Variants in PACS2 observed in about 807,000 individuals in gnomAD.
PACS2 encodes the protein phosphofurin acidic cluster sorting protein 2.
In PACS2, 36 loss-of-function variants were observed where a neutral mutation model predicts 113.0. That is an observed-to-expected ratio of 0.32 (90% CI 0.24 to 0.42). The LOEUF is 0.42. PACS2 is among the 10% of genes least tolerant of loss of function. The pLI, the probability that PACS2 is intolerant of heterozygous loss-of-function variation, is 1.00. For missense variants in PACS2, 1,015 were observed against 1,239.5 expected (o/e 0.82, Z 2.72); for synonymous variants, 589 against 536.1 (o/e 1.10, Z -1.36).
At position 105,384,896 on chromosome 14, in the gene PACS2, A is replaced by C. The variant is rs1555413175; in HGVS notation, c.1909A>C (p.Ile637Leu). ...AQSAVQDTPD[I>L]VSRITQYIAG... ...CCCTGCAGTACAGGACACGCCAGAC[A>C]TTGTGTCACGCATCACGCAGTACAT... Residue 637 changes from isoleucine to leucine, a missense_variant, in exon 18 of 25, where the codon ATT (isoleucine) becomes CTT (leucine). By Grantham distance (5) the Ile-to-Leu change is conservative (BLOSUM62 2). Coordinates refer to ENST00000447393, the MANE Select transcript of PACS2 (RefSeq NM_001100913.3). 6.3e-7 allele frequency: 1 copy of C among 1,591,074 alleles called. No homozygotes were observed. Among genetic ancestry groups the C allele is most frequent in the Non-Finnish European group, 8.6e-7 (1 of 1,168,202 alleles).
chr14:105,368,186 A>T (rs781865111), intron 6 of PACS2, 39 bp downstream of exon 6: 2 of 1,429,528 alleles, frequency 1.4e-6, no homozygotes, highest in East Asian at 4.5e-5. Flanking sequence ...CTCCTGGCTC[A>T]CACCGGGTGT....
chr14:105,352,836 C>CA, intron 3 of PACS2, among the ~76,000 whole-genome samples: 1 of 112,992 alleles, frequency 8.9e-6, no homozygotes, highest in Non-Finnish European at 1.8e-5. Flanking sequence ...CCTGGGGAGA[C>CA]GGGCCCCCCC....
intron 1 of PACS2, among the ~76,000 whole-genome samples, chr14:105,316,520 AG>A (rs1271686717): frequency 2.0e-5 from 3 of 152,194 alleles, no homozygotes; most frequent in African/African-American, 7.2e-5. Context: ...TGCAGCACAT[AG>A]CCTGCCCTTG....
intron 1 of PACS2, among the ~76,000 whole-genome samples, chr14:105,332,281 C>T (rs1341200660): frequency 1.3e-5 from 2 of 152,214 alleles, no homozygotes; most frequent in South Asian, 2.1e-4. Context: ...CCCTCACTGG[C>T]GCTGGGAAGC....
chr14:105,385,074 C>T (rs2081129272), intron 18 of PACS2, 87 bp downstream of exon 18: 2 of 868,838 alleles, frequency 2.3e-6, no homozygotes, highest in African/African-American at 1.7e-5. Context: ...CTGGGCTTGG[C>T]CTGGTGGGCC....
Position 105,379,748 on chromosome 14 carries a change from T to G in PACS2, c.969T>G (p.Phe323Leu). ...STPKPKLRPY[F>L]EGLSHSSSQT... ...CTGTTCCCTGAGCCAGGCCATACTT[T>G]GAAGGCCTGTCGCACTCGAGCTCGC... The change falls in exon 10 of 25, where the codon TTT becomes TTG. Residue 323 changes from phenylalanine (F) to leucine (L), a missense_variant. Phe to Leu is a conservative substitution (Grantham distance 22). Transcript: ENST00000447393. 1 of 1,613,586 alleles carries G rather than the reference T, an allele frequency of 6.2e-7. No individual in the cohort carries two copies. The highest frequency in any genetic ancestry group is 8.5e-7 in the Non-Finnish European group (1 of 1,179,746).
chr14:105,367,860 A>C (rs1164422735), intron 5 of PACS2, among the ~76,000 whole-genome samples: 2 of 151,848 alleles, frequency 1.3e-5, no homozygotes, highest in Non-Finnish European at 2.9e-5. Flanking sequence ...GCCCCTCCCC[A>C]CTTCCTGCCA....
chr14:105,357,303 T>C lies in PACS2; in HGVS notation c.423+2126T>C, dbSNP rs781811100. ...TCACACCAGCCACATCGTCTGCTGC[T>C]TGAAATCCCATCATCTGTTCTTCAC... On this transcript the variant is annotated intron_variant, in intron 4 of 24. Transcript: ENST00000447393. The surrounding 1 kb of genome is among the most constrained non-coding windows in gnomAD (Gnocchi z 5.1). 4.6e-4 allele frequency among the ~76,000 whole-genome samples: 70 copies of C among 151,958 alleles called. No homozygotes were observed. The highest frequency in any genetic ancestry group is 1.1e-3 in the Admixed American group (17 of 15,250).
At chr14:105,350,834 G>A (rs1213519089) in intron 2 of PACS2, among the ~76,000 whole-genome samples, 2 of 152,228 alleles carry the variant, frequency 1.3e-5, no homozygotes, top group Non-Finnish European at 2.9e-5. Context: ...AAGGGGAGGA[G>A]CAGGGAGAGT....
intron 1 of PACS2, among the ~76,000 whole-genome samples, chr14:105,308,979 C>G (rs2058271085): frequency 6.6e-6 from 1 of 150,718 alleles, no homozygotes; most frequent in Non-Finnish European, 1.5e-5. Flanking sequence ...GTCAAGAAAA[C>G]AAAAGAAAAA....
intron 8 of PACS2, chr14:105,372,572 TAAA>T (rs1187578951): frequency 6.6e-6 from 1 of 152,084 alleles, no homozygotes; most frequent in Non-Finnish European, 1.5e-5. Flanking sequence ...TTTAACACAA[TAAA>T]AAAAGTAGAA....
chr14:105,365,388 T>C lies in PACS2; in HGVS notation c.424-1825T>C, dbSNP rs2060909170. On this transcript the variant is annotated intron_variant, in intron 4 of 24. Coordinates refer to ENST00000447393, the MANE Select transcript of PACS2 (RefSeq NM_001100913.3). The surrounding 1 kb of genome is among the most constrained non-coding windows in gnomAD (Gnocchi z 5.1). ...GGGCCTGCAGATATCAAAATAGTGTTCACATATAGGTCGACCACAGGCTGA... is the reference window on the plus strand; with the variant it reads ...GGGCCTGCAGATATCAAAATAGTGTCCACATATAGGTCGACCACAGGCTGA... Among the ~76,000 whole-genome samples the C allele has an allele frequency of 6.6e-6, 1 of 152,026 alleles. No individual in the cohort carries two copies. Among genetic ancestry groups the C allele is most frequent in the Non-Finnish European group, 1.5e-5 (1 of 67,998 alleles).
At position 105,380,148 on chromosome 14, in the gene PACS2, GGC is replaced by G; in HGVS notation, c.1120_1121del (p.Ala374ProfsTer14). ...CGAGCGACAGTGTCTCTGACACGGT[GGC>G]CCTCGTAAGCAGGCTTGGGCCGCAC... is the stretch of plus-strand genomic sequence containing the variant. Reference protein sequence around the residue: ...QPSDSVSDTVALGVPGPREHP... With the variant: ...QPSDSVSDTVXLGVPGPREHP... On this transcript the variant is annotated frameshift_variant, in exon 11 of 25. Transcript: ENST00000447393. 1 of 1,551,704 alleles carries G rather than the reference GGC, an allele frequency of 6.4e-7. No individual in the cohort carries two copies. The highest frequency in any genetic ancestry group is 8.7e-7 in the Non-Finnish European group (1 of 1,147,348).
In PACS2 at chr14:105,324,129, C is replaced by G. The variant is rs1342715022; in HGVS notation, c.119+9092C>G. On this transcript the variant is annotated intron_variant, in intron 1 of 24. Transcript: ENST00000447393. This position sits in a 1 kb window ranked among gnomAD's most constrained non-coding sequence, Gnocchi z 4.7. ...CTTGGATCTGGGCACTAGAACCAGC[C>G]CTTTCCCTCTCTCTGCCCAGCATTC... Among the ~76,000 whole-genome samples the G allele has an allele frequency of 6.6e-6, 1 of 152,162 alleles. No individual in the cohort carries two copies. Among genetic ancestry groups the G allele is most frequent in the Non-Finnish European group, 1.5e-5 (1 of 68,038 alleles).
intron 6 of PACS2, 22 bp downstream of exon 6, chr14:105,368,169 G>T (rs781969260): frequency 7.7e-6 from 12 of 1,555,368 alleles, no homozygotes; most frequent in Non-Finnish European, 9.7e-6. Flanking sequence ...CCGGGGCTCC[G>T]CGCCCTCTCC....
At chr14:105,333,586 C>G (rs1277351833) in intron 1 of PACS2, among the ~76,000 whole-genome samples, 1 of 152,226 alleles carries the variant, frequency 6.6e-6, no homozygotes, top group African/African-American at 2.4e-5. Context: ...ACCCGTTGGG[C>G]TTGCGGTGGC....
intron 9 of PACS2, 135 bp downstream of exon 9, chr14:105,377,060 C>CT: frequency 1.1e-6 from 1 of 934,714 alleles, no homozygotes; most frequent in Non-Finnish European, 1.6e-6. Flanking sequence ...CCTGGGAAGG[C>CT]TCTGGTGGCT....
At chr14:105,302,746 C>G (rs1222495216) in intron 1 of PACS2, among the ~76,000 whole-genome samples, 2 of 151,994 alleles carry the variant, frequency 1.3e-5, no homozygotes, top group African/African-American at 4.8e-5. Context: ...CCACCACACC[C>G]AGATAATATT....
intron 1 of PACS2, among the ~76,000 whole-genome samples, chr14:105,341,306 T>G (rs2059715870): frequency 6.6e-6 from 1 of 152,236 alleles, no homozygotes; most frequent in Admixed American, 6.5e-5. Flanking sequence ...AGTCGGCTCT[T>G]TTATTCACCT....
Sources: gnomAD v4.1 joint callset for allele counts (sites outside exome capture counted in the v4.1 genomes callset) on GRCh38, gnomAD v4.1.1 for gene constraint, Gnocchi (gnomAD v3.1) non-coding constraint, MANE v1.5 for transcripts, NCBI Gene and HGNC (gene_info 2026-07-23, HGNC 2026-07-21) for gene names.